ATRNL1: variants seen among roughly 807,000 people sequenced by gnomAD.
ATRNL1 encodes attractin-like protein 1.
A neutral mutation model predicts 182.7 loss-of-function variants in ATRNL1; 95 were observed. That is an observed-to-expected ratio of 0.52 (90% CI 0.44 to 0.62). ATRNL1 has a LOEUF of 0.62. Among genes scored for constraint, ATRNL1 ranks in the 20% least tolerant of loss-of-function variants. The probability of loss-of-function intolerance (pLI) is 0.00; values close to 1 mark genes in which losing one functional copy is unlikely to be tolerated. For missense variants in ATRNL1, 1,471 were observed against 1,679.5 expected (o/e 0.88, Z 2.17); for synonymous variants, 576 against 568.3 (o/e 1.01, Z -0.19).
chr10:115,406,761 T>C (rs763355067), intron 20 of ATRNL1, among the ~76,000 whole-genome samples: 13 of 152,190 alleles, frequency 8.5e-5, no homozygotes, highest in Admixed American at 3.9e-4. Flanking sequence ...ACATGCTATG[T>C]ACACGTCTTT....
At chr10:115,144,601 T>C (rs1486513402) in intron 5 of ATRNL1, among the ~76,000 whole-genome samples, 2 of 152,188 alleles carry the variant, frequency 1.3e-5, no homozygotes, top group Non-Finnish European at 2.9e-5. Flanking sequence ...GCCATGAAAA[T>C]TCTTAGCATG....
intron 28 of ATRNL1, among the ~76,000 whole-genome samples, chr10:115,906,825 T>C (rs575476103): frequency 6.6e-6 from 1 of 151,524 alleles, no homozygotes; most frequent in Non-Finnish European, 1.5e-5. Flanking sequence ...ATACTTTTTT[T>C]AAAAAAAAAT....
intron 19 of ATRNL1, among the ~76,000 whole-genome samples, chr10:115,350,152 A>C (rs1856163830): frequency 6.6e-6 from 1 of 151,890 alleles, no homozygotes; most frequent in African/African-American, 2.4e-5. Context: ...CCTGGCCAAC[A>C]TGGTGAAACC....
At chr10:115,699,789 C>G (rs1239545692) in intron 26 of ATRNL1, among the ~76,000 whole-genome samples, 1 of 152,156 alleles carries the variant, frequency 6.6e-6, no homozygotes, top group Non-Finnish European at 1.5e-5. Flanking sequence ...ACCCCGTCAT[C>G]GAAGTAGTGA....
intron 26 of ATRNL1, among the ~76,000 whole-genome samples, chr10:115,617,125 G>A (rs1857470103): frequency 6.6e-6 from 1 of 152,216 alleles, no homozygotes; most frequent in Non-Finnish European, 1.5e-5. Flanking sequence ...ACTGGGGCAG[G>A]GTTGCCCAAG....
intron 27 of ATRNL1, among the ~76,000 whole-genome samples, chr10:115,844,010 C>T (rs1474242590): frequency 5.3e-5 from 8 of 152,034 alleles, no homozygotes; most frequent in Non-Finnish European, 7.4e-5. Context: ...AGTGTCTCAT[C>T]GGGTAGGTAT....
intron 18 of ATRNL1, among the ~76,000 whole-genome samples, chr10:115,322,158 A>G (rs1854614422): frequency 6.6e-6 from 1 of 152,048 alleles, no homozygotes; most frequent in Admixed American, 6.6e-5. Flanking sequence ...TGTTATTCAT[A>G]TAGGTCTATT....
chr10:115,593,097 G>C (rs1253944315), intron 26 of ATRNL1, among the ~76,000 whole-genome samples: 1 of 152,192 alleles, frequency 6.6e-6, no homozygotes, highest in Non-Finnish European at 1.5e-5. Context: ...CTTTATTGCT[G>C]CATCATCCCA....
chr10:115,614,336 CTTCACGTTA>C, intron 26 of ATRNL1, among the ~76,000 whole-genome samples: 1 of 152,068 alleles, frequency 6.6e-6, no homozygotes, highest in South Asian at 2.1e-4. Flanking sequence ...TTCCAGAGTT[CTTCACGTTA>C]TTTGTTTCTA....
At chr10:115,346,250 AAT>A (rs1236958979) in intron 19 of ATRNL1, among the ~76,000 whole-genome samples, 1 of 152,172 alleles carries the variant, frequency 6.6e-6, no homozygotes, top group Admixed American at 6.6e-5. Flanking sequence ...ACCATTAAAA[AAT>A]AGCTACCCAC....
At chr10:115,323,840 C>T (rs112423604) in intron 18 of ATRNL1, among the ~76,000 whole-genome samples, 536 of 151,920 alleles carry the variant, frequency 3.5e-3, no homozygotes, top group Non-Finnish European at 6.1e-3. Context: ...TGCAGTGGCG[C>T]GATCTCGGCT....
intron 24 of ATRNL1, among the ~76,000 whole-genome samples, chr10:115,472,504 T>G (rs553934582): frequency 6.6e-6 from 1 of 151,044 alleles, no homozygotes; most frequent in Admixed American, 6.6e-5. Flanking sequence ...TTATTATTGA[T>G]GTTTTGAATT....
At chr10:115,242,283 C>T (rs1554903130) in intron 10 of ATRNL1, among the ~76,000 whole-genome samples, 1 of 151,732 alleles carries the variant, frequency 6.6e-6, no homozygotes, top group East Asian at 1.9e-4. Flanking sequence ...GCATGTTTTC[C>T]CAAAGAACTA....
chr10:115,704,798 T>A (rs1334942984), intron 26 of ATRNL1, among the ~76,000 whole-genome samples: 1 of 151,974 alleles, frequency 6.6e-6, no homozygotes, highest in Non-Finnish European at 1.5e-5. Context: ...TGCTATTTTA[T>A]AGAAATATTG....
intron 21 of ATRNL1, among the ~76,000 whole-genome samples, chr10:115,427,802 G>C (rs1025190271): frequency 4.0e-5 from 6 of 151,538 alleles, no homozygotes; most frequent in African/African-American, 1.2e-4. Context: ...TTATGCTAAC[G>C]TAGCACATTT....
intron 28 of ATRNL1, among the ~76,000 whole-genome samples, chr10:115,866,394 A>G (rs1327594771): frequency 6.6e-6 from 1 of 152,112 alleles, no homozygotes; most frequent in Admixed American, 6.5e-5. Flanking sequence ...ACAAACAAAA[A>G]CCACCATTTA....
chr10:115,374,467 T>TCCTTCCTTCCTG (rs1239070603), intron 19 of ATRNL1, among the ~76,000 whole-genome samples: 3 of 149,078 alleles, frequency 2.0e-5, no homozygotes, highest in African/African-American at 7.4e-5. Context: ...CTTCCTTCCT[T>TCCTTCCTTCCTG]CCTTCCTTCC....
chr10:115,717,738 G>T (rs1337052484), intron 26 of ATRNL1, among the ~76,000 whole-genome samples: 1 of 151,654 alleles, frequency 6.6e-6, no homozygotes, highest in Non-Finnish European at 1.5e-5. Context: ...TTTTAGTAGA[G>T]ACAGGATTTC....
chr10:115,232,479 C>T (rs1408528840), intron 9 of ATRNL1, among the ~76,000 whole-genome samples: 1 of 151,788 alleles, frequency 6.6e-6, no homozygotes, highest in African/African-American at 2.4e-5. Flanking sequence ...TATATTTTGC[C>T]AACATTTTAT....
Sources: allele counts gnomAD v4.1 joint callset (sites outside exome capture counted in the v4.1 genomes callset), GRCh38; gene constraint gnomAD v4.1.1; transcripts MANE v1.5; gene names NCBI Gene and HGNC (gene_info 2026-07-23, HGNC 2026-07-21).